Variants in OSBPL11 observed in about 807,000 individuals in gnomAD.
OSBPL11 encodes the protein oxysterol binding protein like 11.
OSBPL11 carries 33 observed loss-of-function variants against 84.4 expected under a neutral mutation model. The observed-to-expected ratio is 0.39, with a 90% CI of 0.30 to 0.52. The LOEUF (loss-of-function observed/expected upper bound fraction) is 0.52, where lower values mean the gene tolerates loss of function less well. OSBPL11 is among the 20% of genes least tolerant of loss of function. The pLI is 0.72. For synonymous variants in OSBPL11, 276 were observed against 310.2 expected (o/e 0.89, Z 1.16); for missense variants, 736 against 901.1 (o/e 0.82, Z 2.35).
At chr3:125,581,105 T>C (rs1936417082) in intron 2 of OSBPL11, among the ~76,000 whole-genome samples, 1 of 152,112 alleles carries the variant, frequency 6.6e-6, no homozygotes, top group African/African-American at 2.4e-5. Flanking sequence ...AATTTTTTTT[T>C]TTTTTGAGAT....
chr3:125,547,710 T>C, intron 9 of OSBPL11, 118 bp from the exon 10 acceptor site: 1 of 752,308 alleles, frequency 1.3e-6, no homozygotes, highest in South Asian at 2.2e-5. Flanking sequence ...CTAACCTTCA[T>C]TTAACTTTCA....
At chr3:125,588,957 G>T (rs1322055246) in intron 1 of OSBPL11, among the ~76,000 whole-genome samples, 1 of 152,142 alleles carries the variant, frequency 6.6e-6, no homozygotes, top group Non-Finnish European at 1.5e-5. Context: ...ATAAAGTCAA[G>T]AGAGGGGTCC....
At chr3:125,535,439 CTTTTTTTTTT>C (rs763678488) in intron 11 of OSBPL11, among the ~76,000 whole-genome samples, 2 of 84,296 alleles carry the variant, frequency 2.4e-5, no homozygotes, top group African/African-American at 4.6e-5. Flanking sequence ...TCAGAAGCAT[CTTTTTTTTTT>C]TTTTTTTTTT....
rs555421214 is a variant in OSBPL11, at chr3:125,578,377, C to T, written c.489+583G>A. On this transcript the variant is annotated intron_variant, in intron 4 of 12. Transcript: ENST00000296220. ...TGCTAGGGGATTGGGAAGGAGAGAA[C>T]AGGGAGTGACTGCTAGTGGCTCCGG... 1.1e-3 allele frequency among the ~76,000 whole-genome samples: 170 copies of T among 152,206 alleles called. 1 individual carries two copies. Among genetic ancestry groups the T allele is most frequent in the Non-Finnish European group, 2.0e-3 (137 of 68,012 alleles).
chr3:125,550,371 TCA>T (rs58412964), intron 9 of OSBPL11, among the ~76,000 whole-genome samples: 4,334 of 132,060 alleles, frequency 0.033, 95 homozygotes, highest in African/African-American at 0.059. Flanking sequence ...CTAGACCGTG[TCA>T]CACACACACA....
chr3:125,576,832 C>T (rs1344220245), intron 4 of OSBPL11, among the ~76,000 whole-genome samples: 1 of 152,152 alleles, frequency 6.6e-6, no homozygotes, highest in African/African-American at 2.4e-5. Context: ...TACAGGCATG[C>T]ACCACCATGC....
intron 8 of OSBPL11, among the ~76,000 whole-genome samples, chr3:125,556,133 G>A (rs1297761569): frequency 6.6e-6 from 1 of 152,202 alleles, no homozygotes; most frequent in African/African-American, 2.4e-5. Context: ...CAAGAAAGAA[G>A]AAACGGATAC....
At chr3:125,556,437 T>C (rs1354568736) in intron 8 of OSBPL11, among the ~76,000 whole-genome samples, 2 of 152,208 alleles carry the variant, frequency 1.3e-5, no homozygotes, top group Admixed American at 1.3e-4. Context: ...CTTCAATCTA[T>C]TCCTCAGAGT....
chr3:125,566,567 G>C (rs965423902), intron 6 of OSBPL11, among the ~76,000 whole-genome samples: 4 of 152,066 alleles, frequency 2.6e-5, no homozygotes, highest in African/African-American at 9.7e-5. Context: ...TTTCTTTTAT[G>C]AGTAAGGTGA....
At chr3:125,541,917 G>C (rs1935734251) in intron 10 of OSBPL11, among the ~76,000 whole-genome samples, 1 of 152,086 alleles carries the variant, frequency 6.6e-6, no homozygotes, top group East Asian at 1.9e-4. Flanking sequence ...ATAGAGTCAG[G>C]ATTTGAATAC....
intron 12 of OSBPL11, among the ~76,000 whole-genome samples, chr3:125,530,973 T>C (rs1935546202): frequency 7.6e-6 from 1 of 130,802 alleles, no homozygotes; most frequent in Non-Finnish European, 1.6e-5. Flanking sequence ...AGAACTCATT[T>C]TTTTTCTTTC....
chr3:125,576,687 T>A (rs1276718176), intron 4 of OSBPL11, among the ~76,000 whole-genome samples: 2 of 152,070 alleles, frequency 1.3e-5, no homozygotes, highest in African/African-American at 2.4e-5. Flanking sequence ...ATGAATTTTT[T>A]TTTTTTTTCT....
chr3:125,563,963 G>A, intron 6 of OSBPL11, 120 bp from the exon 7 acceptor site: 1 of 1,111,946 alleles, frequency 9.0e-7, no homozygotes, highest in African/African-American at 1.6e-5. Context: ...AACCTGTTAA[G>A]AGACCCTGCA....
At chr3:125,578,105 C>G (rs1007153987) in intron 4 of OSBPL11, among the ~76,000 whole-genome samples, 1 of 151,804 alleles carries the variant, frequency 6.6e-6, no homozygotes, top group African/African-American at 2.4e-5. Context: ...TTCATAATGC[C>G]TACAAAATGA....
chr3:125,541,484 T>C (rs1200505733), intron 10 of OSBPL11, among the ~76,000 whole-genome samples: 2 of 152,258 alleles, frequency 1.3e-5, no homozygotes, highest in African/African-American at 4.8e-5. Context: ...CTGGGCATTT[T>C]ACATAAATTA....
chr3:125,545,347 G>A (rs563829179), intron 10 of OSBPL11, among the ~76,000 whole-genome samples: 1 of 152,160 alleles, frequency 6.6e-6, no homozygotes, highest in East Asian at 1.9e-4. Context: ...TTTAACAGAT[G>A]AATCAGAACT....
In OSBPL11 at chr3:125,568,947, A is replaced by ATT. The variant is rs144762548; in HGVS notation, c.667-1354_667-1353dup. Among the ~76,000 whole-genome samples the ATT allele has an allele frequency of 7.4e-5, 11 of 149,150 alleles. No homozygotes were observed. In the East Asian group the frequency reaches 1.8e-3, roughly 24 times the overall value. ...GCTTTCAGAGGCTCTGTTCCAGGTGATTTTTTTTTTCTTTTTTTGAGATAG... is the reference window on the plus strand; with the variant it reads ...GCTTTCAGAGGCTCTGTTCCAGGTGATTTTTTTTTTTTCTTTTTTTGAGATAG... On this transcript the variant is annotated intron_variant, in intron 5 of 12. Transcript: ENST00000296220.
At chr3:125,565,078 T>C (rs972942095) in intron 6 of OSBPL11, among the ~76,000 whole-genome samples, 7 of 151,994 alleles carry the variant, frequency 4.6e-5, no homozygotes, top group African/African-American at 1.2e-4. Context: ...ACTCCATCTC[T>C]ACAAAAACTA....
intron 5 of OSBPL11, among the ~76,000 whole-genome samples, chr3:125,567,881 C>T (rs1038367473): frequency 1.3e-5 from 2 of 151,348 alleles, no homozygotes; most frequent in African/African-American, 2.4e-5. Context: ...GTAGTCCCAG[C>T]TACTTGGGAG....
Sources: gnomAD v4.1 joint callset for allele counts (sites outside exome capture counted in the v4.1 genomes callset) on GRCh38, gnomAD v4.1.1 for gene constraint, MANE v1.5 for transcripts, NCBI Gene and HGNC (gene_info 2026-07-23, HGNC 2026-07-21) for gene names.